Variants in FHIT observed in about 807,000 individuals in gnomAD.
FHIT encodes fragile histidine triad diadenosine triphosphatase.
In FHIT, 19 loss-of-function variants were observed where a neutral mutation model predicts 17.9. The ratio of observed to expected loss-of-function variants is 1.06; its 90% confidence interval spans 0.74 to 1.56. The LOEUF (loss-of-function observed/expected upper bound fraction) is 1.56, where lower values mean the gene tolerates loss of function less well. FHIT is among the 40% of genes most tolerant of loss of function. The pLI, the probability that FHIT is intolerant of heterozygous loss-of-function variation, is 0.00. For synonymous variants in FHIT, 81 were observed against 69.7 expected (o/e 1.16, Z -0.81); for missense variants, 248 against 189.2 (o/e 1.31, Z -1.82).
chr3:59,820,162 A>G (rs1214170955), intron 8 of FHIT, among the ~76,000 whole-genome samples: 1 of 152,212 alleles, frequency 6.6e-6, no homozygotes, highest in Middle Eastern at 3.2e-3. Context: ...CTTGCCTGTT[A>G]ATTTGCTGAG....
intron 5 of FHIT, among the ~76,000 whole-genome samples, chr3:60,157,239 G>A (rs772730156): frequency 3.3e-5 from 5 of 152,142 alleles, no homozygotes; most frequent in Non-Finnish European, 7.3e-5. Flanking sequence ...TGGTACGAAA[G>A]ACCACAGTGA....
At chr3:60,824,324 G>A (rs937848898) in intron 3 of FHIT, among the ~76,000 whole-genome samples, 11 of 152,168 alleles carry the variant, frequency 7.2e-5, no homozygotes, top group Admixed American at 4.6e-4. Flanking sequence ...GTAGAGATAC[G>A]CCTGACTTCT....
chr3:60,012,537 G>A (rs947309499), intron 6 of FHIT, among the ~76,000 whole-genome samples: 1 of 152,000 alleles, frequency 6.6e-6, no homozygotes, highest in African/African-American at 2.4e-5. Flanking sequence ...CCAAAGTGCT[G>A]GGATTACAGG....
At chr3:59,976,547 G>C (rs1204917564) in intron 7 of FHIT, among the ~76,000 whole-genome samples, 1 of 151,932 alleles carries the variant, frequency 6.6e-6, no homozygotes, top group Non-Finnish European at 1.5e-5. Context: ...GAAAGAGAAT[G>C]AAGAAAGAGA....
intron 5 of FHIT, among the ~76,000 whole-genome samples, chr3:60,206,588 G>A (rs1703203482): frequency 6.6e-6 from 1 of 152,148 alleles, no homozygotes; most frequent in African/African-American, 2.4e-5. Context: ...AGAGGCAAGG[G>A]CTGCACCAAA....
intron 1 of FHIT, among the ~76,000 whole-genome samples, chr3:61,241,548 G>A (rs1277864343): frequency 1.3e-5 from 2 of 152,266 alleles, no homozygotes; most frequent in South Asian, 4.1e-4. Context: ...CCTCCAGCCT[G>A]GTCTAACTAA....
At chr3:60,332,170 T>A (rs1210160758) in intron 5 of FHIT, among the ~76,000 whole-genome samples, 1 of 152,234 alleles carries the variant, frequency 6.6e-6, no homozygotes, top group African/African-American at 2.4e-5. Flanking sequence ...AGCAATGTCC[T>A]ACTATTAACC....
chr3:60,407,675 T>A (rs544785401), intron 5 of FHIT, among the ~76,000 whole-genome samples: 6 of 152,046 alleles, frequency 3.9e-5, no homozygotes, highest in African/African-American at 1.5e-4. Context: ...CCACCAGGCC[T>A]GGCTAAATTT....
intron 5 of FHIT, among the ~76,000 whole-genome samples, chr3:60,533,067 A>G (rs1445895858): frequency 6.6e-6 from 1 of 152,228 alleles, no homozygotes; most frequent in African/African-American, 2.4e-5. Flanking sequence ...ATTAACATGT[A>G]AAGAAATGGC....
intron 8 of FHIT, among the ~76,000 whole-genome samples, chr3:59,842,000 T>C (rs930350392): frequency 9.9e-5 from 15 of 152,142 alleles, no homozygotes; most frequent in African/African-American, 3.6e-4. Flanking sequence ...CCACCAACCA[T>C]GTGCAGAACT....
chr3:60,406,056 T>C (rs1468783295), intron 5 of FHIT, among the ~76,000 whole-genome samples: 1 of 152,210 alleles, frequency 6.6e-6, no homozygotes, highest in Non-Finnish European at 1.5e-5. Flanking sequence ...TAATCATTAT[T>C]ATAATAAAAG....
intron 4 of FHIT, among the ~76,000 whole-genome samples, chr3:60,607,088 G>A (rs902626288): frequency 3.3e-5 from 5 of 152,050 alleles, no homozygotes; most frequent in African/African-American, 1.2e-4. Context: ...ACTAGTGTCT[G>A]TCATCAGGAA....
intron 4 of FHIT, among the ~76,000 whole-genome samples, chr3:60,611,737 T>A (rs782405537): frequency 6.6e-6 from 1 of 152,158 alleles, no homozygotes; most frequent in Non-Finnish European, 1.5e-5. Flanking sequence ...TGTAACCCAA[T>A]AACAGGATAA....
chr3:61,177,631 G>T (rs910345301), intron 2 of FHIT, among the ~76,000 whole-genome samples: 2 of 152,178 alleles, frequency 1.3e-5, no homozygotes, highest in Admixed American at 6.5e-5. Context: ...GTTCTGAGAA[G>T]AATGGTGTAT....
chr3:60,122,350 G>T (rs1705297528), intron 5 of FHIT, among the ~76,000 whole-genome samples: 1 of 152,140 alleles, frequency 6.6e-6, no homozygotes, highest in Non-Finnish European at 1.5e-5. Flanking sequence ...ACAAATTTGT[G>T]TTGAATCCCG....
rs1438748796 is a variant in FHIT at position 61,072,047 on chromosome 3, A to G, written c.-163-29948T>C. ...CATTTGGTCTCTTCCAAGATCCAGG[A>G]CTTTAGAGCCAGAAACATTTGGATT... On this transcript the variant is annotated intron_variant, in intron 2 of 9. Transcript: ENST00000492590. Among the ~76,000 whole-genome samples the G allele has an allele frequency of 3.9e-5, 6 of 152,280 alleles. No homozygotes were observed. In the East Asian group the frequency reaches 1.2e-3, roughly 29 times the overall value.
At chr3:59,986,092 C>T (rs559230989) in intron 7 of FHIT, among the ~76,000 whole-genome samples, 67 of 151,984 alleles carry the variant, frequency 4.4e-4, no homozygotes, top group South Asian at 6.2e-4. Flanking sequence ...CATATTATAA[C>T]GGCAAAAAGA....
intron 5 of FHIT, among the ~76,000 whole-genome samples, chr3:60,407,604 T>C (rs1463955139): frequency 6.6e-6 from 1 of 152,130 alleles, no homozygotes; most frequent in Admixed American, 6.5e-5. Context: ...AACCCCCGCC[T>C]CCACAGTTCA....
intron 7 of FHIT, among the ~76,000 whole-genome samples, chr3:59,989,922 G>A (rs1357892893): frequency 1.3e-5 from 2 of 152,028 alleles, no homozygotes; most frequent in African/African-American, 2.4e-5. Context: ...CCTCCACAGA[G>A]AACTTTATTT....
Sources: gnomAD v4.1 joint callset for allele counts (sites outside exome capture counted in the v4.1 genomes callset) on GRCh38, gnomAD v4.1.1 for gene constraint, MANE v1.5 for transcripts, NCBI Gene and HGNC (gene_info 2026-07-23, HGNC 2026-07-21) for gene names.